ILDR1: variants seen among roughly 807,000 people sequenced by gnomAD.
The protein encoded by ILDR1 is immunoglobulin like domain containing receptor 1.
Under a neutral mutation model 62.4 loss-of-function variants are expected in ILDR1, and 56 were observed. The observed-to-expected ratio is 0.90, with a 90% CI of 0.72 to 1.12. ILDR1 has a LOEUF of 1.12. ILDR1 is among the 50% of genes most tolerant of loss of function. ILDR1 has a pLI of 0.00. For synonymous variants in ILDR1, 284 were observed against 277.8 expected (o/e 1.02, Z -0.22); for missense variants, 736 against 710.6 (o/e 1.04, Z -0.41).
chr3:122,058,874 A>G, the ILDR1 span, among the ~76,000 whole-genome samples: 24,273 of 152,004 alleles, frequency 0.16, 2,552 homozygotes, highest in East Asian at 0.55. Context: ...CAGGGCAGTT[A>G]TGGTGGGATC....
At chr3:122,036,727 G>A in the ILDR1 span, among the ~76,000 whole-genome samples, 7 of 152,176 alleles carry the variant, frequency 4.6e-5, no homozygotes, top group East Asian at 1.9e-4. Flanking sequence ...AAGAGGAGCC[G>A]AATGTTAATA....
chr3:122,042,242 G>A, the ILDR1 span, among the ~76,000 whole-genome samples: 1 of 73,754 alleles, frequency 1.4e-5, no homozygotes, highest in African/African-American at 5.5e-5. Flanking sequence ...CAAAGGACAC[G>A]AACTCATCAT....
chr3:122,046,216 T>C, the ILDR1 span, among the ~76,000 whole-genome samples: 1 of 149,816 alleles, frequency 6.7e-6, no homozygotes. Flanking sequence ...GGGTTGAAAA[T>C]TCTTTTCTTT....
At chr3:122,059,548 AAAAG>A in the ILDR1 span, among the ~76,000 whole-genome samples, 30 of 152,132 alleles carry the variant, frequency 2.0e-4, no homozygotes, top group East Asian at 5.0e-3. Flanking sequence ...AAAAAAAAAA[AAAAG>A]AAAGAAATCA....
intron 1 of ILDR1, among the ~76,000 whole-genome samples, chr3:122,008,933 T>C (rs1398909117): frequency 6.6e-6 from 1 of 150,444 alleles, no homozygotes; most frequent in Non-Finnish European, 1.5e-5. Flanking sequence ...TTTCTTTCTT[T>C]CTTTTTTTCT....
At chr3:122,030,490 A>G in the ILDR1 span, among the ~76,000 whole-genome samples, 1 of 151,968 alleles carries the variant, frequency 6.6e-6, no homozygotes, top group Non-Finnish European at 1.5e-5. Flanking sequence ...AAAATGCAAG[A>G]GGCTGTGATT....
chr3:122,038,027 T>A, the ILDR1 span, among the ~76,000 whole-genome samples: 100 of 152,296 alleles, frequency 6.6e-4, no homozygotes, highest in Middle Eastern at 3.4e-3. Context: ...CTACCATGAT[T>A]GTAAGTTTCC....
chr3:122,019,751 T>G (rs1185507561), intron 1 of ILDR1, among the ~76,000 whole-genome samples: 1 of 152,244 alleles, frequency 6.6e-6, no homozygotes, highest in Admixed American at 6.5e-5. Flanking sequence ...ATTTTACTAC[T>G]GCCTCACACT....
At chr3:121,997,197 A>G (rs1286886461) in intron 5 of ILDR1, among the ~76,000 whole-genome samples, 2 of 152,192 alleles carry the variant, frequency 1.3e-5, no homozygotes, top group Non-Finnish European at 2.9e-5. Context: ...CACCATGCCC[A>G]GCCCTTGCCC....
the ILDR1 span, among the ~76,000 whole-genome samples, chr3:122,048,347 T>G: frequency 3.3e-5 from 5 of 152,250 alleles, no homozygotes; most frequent in African/African-American, 4.8e-5. Context: ...AGTATTTTAT[T>G]GCAGATTTTT....
chr3:122,017,997 A>T (rs1222426932), intron 1 of ILDR1, among the ~76,000 whole-genome samples: 2 of 152,228 alleles, frequency 1.3e-5, no homozygotes, highest in East Asian at 3.8e-4. Flanking sequence ...TTCCTCAAGG[A>T]TCTAGAACTA....
the ILDR1 span, among the ~76,000 whole-genome samples, chr3:122,060,676 A>T: frequency 8.5e-5 from 13 of 152,276 alleles, no homozygotes; most frequent in South Asian, 2.7e-3. Context: ...ATAAAATCCA[A>T]TACTTTATTT....
chr3:122,041,715 G>A, the ILDR1 span, among the ~76,000 whole-genome samples: 3 of 151,816 alleles, frequency 2.0e-5, no homozygotes, highest in South Asian at 2.1e-4. Context: ...GTTGTTCATT[G>A]TTAGTGTATA....
chr3:122,028,609 C>T, the ILDR1 span, among the ~76,000 whole-genome samples: 2 of 152,158 alleles, frequency 1.3e-5, no homozygotes, highest in African/African-American at 4.8e-5. Context: ...GAAGACAACC[C>T]TCTGCTAAGG....
intron 5 of ILDR1, among the ~76,000 whole-genome samples, chr3:121,997,805 G>GA (rs1000683514): frequency 7.9e-5 from 12 of 152,088 alleles, no homozygotes; most frequent in South Asian, 2.1e-4. Flanking sequence ...AGTTCTTAGG[G>GA]AAAAAATACG....
At chr3:121,994,047 A>G (rs1391813899) in intron 6 of ILDR1, 77 bp from the exon 7 acceptor site, 1 of 1,519,110 alleles carries the variant, frequency 6.6e-7, no homozygotes, top group South Asian at 1.2e-5. Flanking sequence ...TCAAAATGTG[A>G]CATTGGTTAG....
upstream of ILDR1, among the ~76,000 whole-genome samples, chr3:122,026,726 G>T (rs1428299877): frequency 6.6e-6 from 1 of 152,166 alleles, no homozygotes; most frequent in Non-Finnish European, 1.5e-5. Flanking sequence ...CTGGAGTAAG[G>T]ATAAAAGCAG....
chr3:121,988,555 T>C (rs1046192177), intron 7 of ILDR1, 147 bp from the exon 8 acceptor site: 2 of 704,128 alleles, frequency 2.8e-6, no homozygotes, highest in Non-Finnish European at 5.1e-6. Flanking sequence ...AGTATTTCTT[T>C]ACTCTTCATG....
At chr3:122,020,360 T>C (rs971110705) in intron 1 of ILDR1, among the ~76,000 whole-genome samples, 2 of 152,250 alleles carry the variant, frequency 1.3e-5, no homozygotes, top group African/African-American at 4.8e-5. Context: ...CAGTGTCACA[T>C]AAACATCATT....
Sources: gnomAD v4.1 joint callset for allele counts (sites outside exome capture counted in the v4.1 genomes callset) on GRCh38, gnomAD v4.1.1 for gene constraint, MANE v1.5 for transcripts, NCBI Gene and HGNC (gene_info 2026-07-23, HGNC 2026-07-21) for gene names.